KCNIP4: variants seen among roughly 807,000 people sequenced by gnomAD.
KCNIP4 encodes Kv channel-interacting protein 4.
Under a neutral mutation model 34.0 loss-of-function variants are expected in KCNIP4, and 12 were observed. The ratio of observed to expected loss-of-function variants is 0.35; its 90% confidence interval spans 0.23 to 0.57. The LOEUF (loss-of-function observed/expected upper bound fraction) is 0.57, where lower values mean the gene tolerates loss of function less well. Ranked by LOEUF, KCNIP4 falls within the 20% of genes least tolerant of loss-of-function variation. The pLI, the probability that KCNIP4 is intolerant of heterozygous loss-of-function variation, is 0.83. For missense variants in KCNIP4, 238 were observed against 311.7 expected (o/e 0.76, Z 1.78); for synonymous variants, 124 against 102.2 (o/e 1.21, Z -1.29).
At chr4:21,025,862 G>T (rs1262008763) in intron 1 of KCNIP4, among the ~76,000 whole-genome samples, 2 of 151,836 alleles carry the variant, frequency 1.3e-5, no homozygotes. Context: ...GCCTGATACT[G>T]GTTTTTAAAA....
At chr4:21,529,027 C>T (rs931970800) in intron 1 of KCNIP4, among the ~76,000 whole-genome samples, 22 of 152,092 alleles carry the variant, frequency 1.4e-4, no homozygotes, top group South Asian at 4.1e-4. Flanking sequence ...TTTGCCCCTT[C>T]CTCCATATTG....
intron 1 of KCNIP4, among the ~76,000 whole-genome samples, chr4:21,827,446 T>A (rs1180920549): frequency 6.6e-6 from 1 of 151,994 alleles, no homozygotes; most frequent in Admixed American, 6.6e-5. Context: ...AAAATACTTT[T>A]AAAAATTTCT....
intron 1 of KCNIP4, among the ~76,000 whole-genome samples, chr4:21,658,064 T>C (rs1748116217): frequency 6.6e-6 from 1 of 152,112 alleles, no homozygotes; most frequent in South Asian, 2.1e-4. Context: ...TGTCTCAATC[T>C]CCTGACCTTG....
intron 1 of KCNIP4, among the ~76,000 whole-genome samples, chr4:20,893,590 T>A (rs1347939127): frequency 1.4e-5 from 2 of 138,404 alleles, no homozygotes; most frequent in African/African-American, 5.4e-5. Context: ...GCCCCAGTAT[T>A]TTTTTTTTTT....
chr4:20,872,609 G>A (rs1176075451), intron 2 of KCNIP4, among the ~76,000 whole-genome samples: 2 of 152,032 alleles, frequency 1.3e-5, no homozygotes, highest in Non-Finnish European at 2.9e-5. Flanking sequence ...TTACTTTTTA[G>A]GCCAATGAAA....
intron 1 of KCNIP4, among the ~76,000 whole-genome samples, chr4:21,476,005 AT>A (rs1553888772): frequency 3.3e-5 from 5 of 152,152 alleles, no homozygotes; most frequent in Non-Finnish European, 2.9e-5. Flanking sequence ...AAAGAAAAAA[AT>A]AAACTCATTG....
chr4:21,649,502 T>A (rs546332854), intron 1 of KCNIP4, among the ~76,000 whole-genome samples: 323 of 152,282 alleles, frequency 2.1e-3, no homozygotes, highest in Middle Eastern at 0.01. Flanking sequence ...GGTAAAGGGA[T>A]AATAGGAAGA....
rs71193411 is a variant in KCNIP4 at position 21,798,562 on chromosome 4, A to AAAAGAAAG, written c.61+150001_61+150008dup. On this transcript the variant is annotated intron_variant, in intron 1 of 8. Coordinates refer to ENST00000382152, the MANE Select transcript of KCNIP4 (RefSeq NM_025221.6). ...AGAGAGAGAGAGAAAGAGAGAAAGA[A>AAAAGAAAG]AAAGAAAGAAAGAAAGAAAGAAAGA... Among the ~76,000 whole-genome samples, 125 of 116,968 alleles carry AAAAGAAAG rather than the reference A, an allele frequency of 1.1e-3. 1 individual carries two copies. Among genetic ancestry groups the AAAAGAAAG allele is most frequent in the African/African-American group, 1.3e-3 (48 of 36,374 alleles). 76.7% of individuals were successfully genotyped at this position (116,968 alleles called of 152,430 possible).
chr4:21,104,623 C>T (rs1413739187), intron 1 of KCNIP4, among the ~76,000 whole-genome samples: 1 of 152,042 alleles, frequency 6.6e-6, no homozygotes, highest in Non-Finnish European at 1.5e-5. Flanking sequence ...TCAATTTTGG[C>T]TTTTGTTGCC....
intron 1 of KCNIP4, among the ~76,000 whole-genome samples, chr4:21,432,660 A>G (rs1726596215): frequency 6.6e-6 from 1 of 152,216 alleles, no homozygotes; most frequent in Non-Finnish European, 1.5e-5. Context: ...ATGGAAGGTG[A>G]AAAACCAGAC....
chr4:21,200,300 G>A (rs561922796), intron 1 of KCNIP4, among the ~76,000 whole-genome samples: 2,726 of 136,244 alleles, frequency 0.02, 84 homozygotes, highest in South Asian at 0.031. Context: ...GTGTGTGTGT[G>A]TATATATATA....
chr4:21,830,995 C>G (rs1278211125), intron 1 of KCNIP4, among the ~76,000 whole-genome samples: 1 of 152,078 alleles, frequency 6.6e-6, no homozygotes, highest in African/African-American at 2.4e-5. Flanking sequence ...AAATCAATAA[C>G]AGGAGAAATC....
At chr4:21,356,456 AC>A (rs1352395996) in intron 1 of KCNIP4, among the ~76,000 whole-genome samples, 2 of 152,216 alleles carry the variant, frequency 1.3e-5, no homozygotes, top group African/African-American at 2.4e-5. Context: ...CTGATAAGCA[AC>A]TTCAGTAAAA....
At chr4:21,283,880 T>C (rs1245728499) in intron 1 of KCNIP4, among the ~76,000 whole-genome samples, 1 of 151,736 alleles carries the variant, frequency 6.6e-6, no homozygotes, top group Non-Finnish European at 1.5e-5. Context: ...CAAGTAAAAA[T>C]ACCCATTAGC....
chr4:21,830,130 T>G (rs1014697792), intron 1 of KCNIP4, among the ~76,000 whole-genome samples: 4 of 152,058 alleles, frequency 2.6e-5, no homozygotes, highest in African/African-American at 7.2e-5. Flanking sequence ...AAACACAGGA[T>G]AAATATTAAA....
chr4:21,939,820 T>C (rs1417263831), intron 1 of KCNIP4, among the ~76,000 whole-genome samples: 1 of 152,188 alleles, frequency 6.6e-6, no homozygotes, highest in Non-Finnish European at 1.5e-5. Flanking sequence ...GTGAGAAAAG[T>C]TGAGCAGAAT....
intron 1 of KCNIP4, among the ~76,000 whole-genome samples, chr4:20,964,239 G>A (rs1310058746): frequency 6.6e-6 from 1 of 152,146 alleles, no homozygotes; most frequent in Non-Finnish European, 1.5e-5. Flanking sequence ...AACACAGAAT[G>A]TGTAAATGGT....
chr4:21,084,354 T>C (rs536109352), intron 1 of KCNIP4, among the ~76,000 whole-genome samples: 1 of 151,802 alleles, frequency 6.6e-6, no homozygotes, highest in Admixed American at 6.6e-5. Flanking sequence ...CTTGAACATA[T>C]CTTAAATTAG....
intron 1 of KCNIP4, among the ~76,000 whole-genome samples, chr4:21,828,891 G>C (rs1365486021): frequency 6.6e-6 from 1 of 151,870 alleles, no homozygotes; most frequent in Non-Finnish European, 1.5e-5. Flanking sequence ...TGCCCAATGA[G>C]AGCTTTGCAA....
Sources: allele counts gnomAD v4.1 joint callset (sites outside exome capture counted in the v4.1 genomes callset), GRCh38; gene constraint gnomAD v4.1.1; transcripts MANE v1.5; gene names NCBI Gene and HGNC (gene_info 2026-07-23, HGNC 2026-07-21).